Variants in ABCC3 observed in about 807,000 individuals in gnomAD.
ABCC3 encodes ATP-binding cassette sub-family C member 3.
In ABCC3, 121 loss-of-function variants were observed where a neutral mutation model predicts 165.3. The ratio of observed to expected loss-of-function variants is 0.73; its 90% CI spans 0.63 to 0.85. ABCC3 has a LOEUF of 0.85. ABCC3 is among the 40% of genes least tolerant of loss of function. The pLI is 0.00. For missense variants in ABCC3, 1,869 were observed against 1,964.1 expected, an observed-to-expected ratio of 0.95 and a Z score of 0.92; for synonymous variants, 733 against 810.1, an observed-to-expected ratio of 0.90 and a Z score of 1.62.
chr17:50,653,344 C>CAAAAAAA (rs1298179994), intron 1 of ABCC3, among the ~76,000 whole-genome samples: 16 of 47,416 alleles, frequency 3.4e-4, no homozygotes, highest in South Asian at 8.4e-4. Flanking sequence ...GAGACTGTCT[C>CAAAAAAA]AAAAAAAAAA....
intron 20 of ABCC3, 54 bp from the exon 21 acceptor site, chr17:50,675,577 G>A (rs1597857903): frequency 5.1e-6 from 8 of 1,562,960 alleles, no homozygotes; most frequent in Admixed American, 1.9e-5. Flanking sequence ...CCCAGCCTCT[G>A]TCCTGGGGGG....
chr17:50,665,076 T>C, intron 10 of ABCC3, 77 bp from the exon 11 acceptor site: 1 of 1,279,888 alleles, frequency 7.8e-7, no homozygotes, highest in Non-Finnish European at 1.1e-6. Context: ...AACAGGCCTC[T>C]GTTTGCCTGT....
At chr17:50,678,253 C>T in intron 25 of ABCC3, 34 bp downstream of exon 25, 2 of 1,511,810 alleles carry the variant, frequency 1.3e-6, no homozygotes, top group Non-Finnish European at 1.8e-6. Context: ...GCAGGGCCAC[C>T]ACTGGGACAG....
intron 17 of ABCC3, among the ~76,000 whole-genome samples, chr17:50,671,702 C>CTTTTTTTTTTTTTTTT (rs386386244): frequency 1.8e-5 from 1 of 56,372 alleles, no homozygotes; most frequent in African/African-American, 5.7e-5. Context: ...TCCTTCCTTC[C>CTTTTTTTTTTTTTTTT]TTTTTTTTTT....
chr17:50,691,047 G>A, intron 30 of ABCC3, 45 bp from the exon 31 acceptor site: 1 of 1,501,130 alleles, frequency 6.7e-7, no homozygotes, highest in Non-Finnish European at 9.3e-7. Context: ...ATGTGACCAG[G>A]TCAGGGCTGA....
intron 19 of ABCC3, among the ~76,000 whole-genome samples, chr17:50,674,911 T>C (rs1331027791): frequency 6.6e-6 from 1 of 151,662 alleles, no homozygotes; most frequent in African/African-American, 2.4e-5. Flanking sequence ...GCGATTCTCC[T>C]GCCTCAGCCT....
intron 6 of ABCC3, among the ~76,000 whole-genome samples, chr17:50,659,012 G>C (rs1430140143): frequency 6.6e-6 from 1 of 152,168 alleles, no homozygotes. Flanking sequence ...GGGACACCTG[G>C]GGAGGAGGAG....
At position 50,669,180 on chromosome 17, in the gene ABCC3, G is replaced by T; in HGVS notation, c.1978G>T (p.Val660Leu). The T allele has an allele frequency of 6.2e-7, 1 of 1,605,700 alleles. No homozygotes were observed. The highest frequency in any genetic ancestry group is 8.5e-7 in the Non-Finnish European group (1 of 1,177,752). ...CCCGAAAGGGGCACTGGTGGCCGTG[G>T]TGGGGCCTGTGGGCTGTGGGAAGTC... The part of the protein sequence containing the change: ...QVPKGALVAV[V>L]GPVGCGKSSL... Residue 660 changes from valine to leucine, a missense_variant, in exon 16 of 31, where the codon GTG becomes TTG. Physicochemically the swap from Val to Leu is conservative, Grantham distance 32. Coordinates refer to ENST00000285238, the MANE Select transcript of ABCC3 (RefSeq NM_003786.4).
In ABCC3 at chr17:50,659,200, T is replaced by G. The variant is rs35319009; in HGVS notation, c.675-37T>G. On this transcript the variant is annotated intron_variant, in intron 6 of 30. Transcript: ENST00000285238. ...GCTCCAGGCTGCTAAACCCTGACCC[T>G]CTGCGGGGCTGCCTGCCGGGCTTCA... The G allele has an allele frequency of 2.8e-4, 453 of 1,608,766 alleles. 2 individuals carry two copies. The African/African-American group carries it at 4.9e-3, about 17-fold the overall frequency.
rs760267201 is a variant in ABCC3 at position 50,668,414 on chromosome 17, TCA to T, written c.1783-13_1783-12del. ...GGAAAGTACAGTCTCTAGGGCTGAC[TCA>T]CATCCTCCCGTAGGCCAGTGTGTCT... On this transcript the variant is annotated splice_polypyrimidine_tract_variant and intron_variant, in intron 13 of 30. Transcript: ENST00000285238. 6.2e-7 allele frequency: 1 copy of T among 1,611,198 alleles called. No homozygotes were observed. The highest frequency in any genetic ancestry group is 1.1e-5 in the South Asian group (1 of 91,002).
chr17:50,677,833 T>G lies in ABCC3; in HGVS notation c.3468T>G (p.Thr1156=). The G allele has an allele frequency of 1.2e-6, 2 of 1,614,160 alleles. No homozygotes were observed. Among genetic ancestry groups the G allele is most frequent in the Non-Finnish European group, 1.7e-6 (2 of 1,180,020 alleles). The change falls in exon 24 of 31, where the codon ACT becomes ACG. Residue 1156 remains threonine, a synonymous_variant. Coordinates refer to ENST00000285238, the MANE Select transcript of ABCC3 (RefSeq NM_003786.4). The stretch of plus-strand genomic sequence containing the variant: ...ACTCCCACTTTTCGGAGACAGTGAC[T>G]GGTGCCAGTGTCATCCGGGCCTACA... ...PIYSHFSETV[T]GASVIRAYNR...
At chr17:50,658,054 T>G (rs978886054) in intron 4 of ABCC3, 28 bp from the exon 5 acceptor site, 4 of 1,613,722 alleles carry the variant, frequency 2.5e-6, no homozygotes, top group Admixed American at 1.7e-5. Flanking sequence ...TTCCAGTGCT[T>G]CTGACGCCCC....
rs762659563 is a variant in ABCC3, at chr17:50,667,878, C to G, written c.1651C>G (p.Leu551Val). The G allele has an allele frequency of 1.2e-6, 2 of 1,614,080 alleles. No individual in the cohort carries two copies. The highest frequency in any genetic ancestry group is 3.3e-5 in the Admixed American group (2 of 60,002). ...CSPFLVTLIT[L>V]WVYVYVDPNN... ...CGCTGCTCAGGTGACCCTGATCACC[C>G]TCTGGGTGTACGTGTACGTGGACCC... The change falls in exon 13 of 31, where the codon CTC (leucine) becomes GTC (valine). Residue 551 changes from leucine (L) to valine (V), a missense_variant. By Grantham distance (32) the Leu-to-Val change is conservative. Transcript: ENST00000285238.
At chr17:50,682,035 T>C (rs1967937895) in intron 26 of ABCC3, among the ~76,000 whole-genome samples, 1 of 152,144 alleles carries the variant, frequency 6.6e-6, no homozygotes, top group Non-Finnish European at 1.5e-5. Flanking sequence ...CGGCCCGTTC[T>C]CTGACGCCTC....
chr17:50,646,868 T>A (rs1372285966), intron 1 of ABCC3, among the ~76,000 whole-genome samples: 1 of 152,216 alleles, frequency 6.6e-6, no homozygotes, highest in African/African-American at 2.4e-5. Flanking sequence ...AGCTTAAGTG[T>A]GACTTCTTCT....
At chr17:50,655,695 G>A in intron 1 of ABCC3, 137 bp from the exon 2 acceptor site, 2 of 724,896 alleles carry the variant, frequency 2.8e-6, no homozygotes, top group Admixed American at 2.8e-5. Flanking sequence ...GCTCATTTGT[G>A]TACTCTCTCC....
At chr17:50,670,836 G>T (rs926415937) in intron 17 of ABCC3, among the ~76,000 whole-genome samples, 5 of 152,168 alleles carry the variant, frequency 3.3e-5, no homozygotes, top group African/African-American at 9.7e-5. Flanking sequence ...GGAGGGAAAA[G>T]ATAGAGAGAG....
At position 50,667,886 on chromosome 17, in the gene ABCC3, G is replaced by T; in HGVS notation, c.1659G>T (p.Val553=). ...PFLVTLITLW[V]YVYVDPNNVL... is the part of the protein sequence containing the mutation. Reference sequence around the variant, plus strand: ...AGGTGACCCTGATCACCCTCTGGGTGTACGTGTACGTGGACCCAAACAATG... The same window carrying T: ...AGGTGACCCTGATCACCCTCTGGGTTTACGTGTACGTGGACCCAAACAATG... Residue 553 remains valine, a synonymous_variant, in exon 13 of 31, where the codon GTG becomes GTT. Coordinates refer to ENST00000285238, the MANE Select transcript of ABCC3 (RefSeq NM_003786.4). 6.2e-7 allele frequency: 1 copy of T among 1,614,064 alleles called. No individual in the cohort carries two copies. Among genetic ancestry groups the T allele is most frequent in the Non-Finnish European group, 8.5e-7 (1 of 1,179,932 alleles).
rs145596140 is a variant in ABCC3 at position 50,655,927 on chromosome 17, C to T, written c.141C>T (p.Val47=). The change falls in exon 2 of 31, where the codon GTC becomes GTT. Residue 47 remains valine (V), a synonymous_variant. Transcript: ENST00000285238. The part of the protein sequence containing the change: ...LAWVPCIYLW[V]ALPCYLLYLR... ...GGGTGCCCTGCATCTACCTGTGGGT[C>T]GCCCTGCCCTGCTACTTGCTCTACC... 1.3e-3 allele frequency: 2,125 copies of T among 1,614,082 alleles called. 3 individuals carry two copies. The highest frequency in any genetic ancestry group is 1.6e-3 in the Non-Finnish European group (1,851 of 1,180,014).
Sources: gnomAD v4.1 joint callset for allele counts (sites outside exome capture counted in the v4.1 genomes callset) on GRCh38, gnomAD v4.1.1 for gene constraint, MANE v1.5 for transcripts, NCBI Gene and HGNC (gene_info 2026-07-23, HGNC 2026-07-21) for gene names.